SNX3: variants seen among roughly 807,000 people sequenced by gnomAD.
SNX3 encodes sorting nexin 3.
A neutral mutation model predicts 17.7 loss-of-function variants in SNX3; 5 were observed. The observed-to-expected ratio is 0.28, with a 90% CI of 0.15 to 0.59. SNX3 has a LOEUF of 0.59. Ranked by LOEUF, SNX3 falls within the 20% of genes least tolerant of loss-of-function variation. The probability of loss-of-function intolerance (pLI) is 0.88; values close to 1 mark genes in which losing one functional copy is unlikely to be tolerated. For missense variants in SNX3, 132 were observed against 206.8 expected (o/e 0.64, Z 2.22); for synonymous variants, 91 against 76.5 (o/e 1.19, Z -0.99).
chr6:108,213,949 A>G (rs910420902), intron 3 of SNX3, among the ~76,000 whole-genome samples: 1 of 152,252 alleles, frequency 6.6e-6, no homozygotes, highest in African/African-American at 2.4e-5. Flanking sequence ...TTTACAAAAT[A>G]GCTATATTTC....
At chr6:108,226,258 G>A (rs901422488) in intron 1 of SNX3, among the ~76,000 whole-genome samples, 1 of 152,032 alleles carries the variant, frequency 6.6e-6, no homozygotes, top group African/African-American at 2.4e-5. Context: ...TACTTTTGGT[G>A]AGACAGGGTT....
chr6:108,222,832 G>GA (rs1774840975), intron 2 of SNX3, 118 bp downstream of exon 2: 2 of 703,838 alleles, frequency 2.8e-6, no homozygotes, highest in Admixed American at 2.6e-5. Flanking sequence ...TGAACTATTT[G>GA]AAAAAAAGAA....
At chr6:108,223,454 T>G (rs1774871807) in intron 1 of SNX3, among the ~76,000 whole-genome samples, 1 of 150,962 alleles carries the variant, frequency 6.6e-6, no homozygotes, top group Non-Finnish European at 1.5e-5. Flanking sequence ...ATGATGTTTT[T>G]AATATGACCT....
chr6:108,259,667 T>C (rs1031009768), intron 1 of SNX3, among the ~76,000 whole-genome samples: 3 of 152,240 alleles, frequency 2.0e-5, no homozygotes, highest in African/African-American at 7.2e-5. Context: ...TAAAAATACT[T>C]AAGTTTCACA....
chr6:108,257,974 A>C (rs978883112), intron 1 of SNX3, among the ~76,000 whole-genome samples: 17 of 152,100 alleles, frequency 1.1e-4, no homozygotes, highest in African/African-American at 4.1e-4. Flanking sequence ...AAAAGAATAA[A>C]AATAAAAATA....
intron 1 of SNX3, among the ~76,000 whole-genome samples, chr6:108,223,682 T>C (rs991445502): frequency 2.2e-4 from 34 of 151,802 alleles, no homozygotes; most frequent in Non-Finnish European, 4.3e-4. Flanking sequence ...GTATTTTTAG[T>C]AGAGGCGGGG....
intron 1 of SNX3, among the ~76,000 whole-genome samples, chr6:108,224,759 G>T (rs773083868): frequency 6.6e-6 from 1 of 152,142 alleles, no homozygotes; most frequent in Admixed American, 6.6e-5. Context: ...AAATTAAATC[G>T]TACTCAGTAG....
intron 1 of SNX3, among the ~76,000 whole-genome samples, chr6:108,258,805 G>C (rs745717805): frequency 9.2e-5 from 14 of 151,960 alleles, no homozygotes; most frequent in Admixed American, 3.9e-4. Context: ...CACTGCGCCA[G>C]GCCCAGAAAC....
intron 2 of SNX3, 69 bp downstream of exon 2, chr6:108,222,881 T>C (rs1659902617): frequency 2.2e-6 from 2 of 908,416 alleles, no homozygotes; most frequent in Non-Finnish European, 3.5e-6. Context: ...AATATCATTT[T>C]CCTGAGAAAT....
chr6:108,244,418 G>C (rs112550434), intron 1 of SNX3, among the ~76,000 whole-genome samples: 1 of 152,082 alleles, frequency 6.6e-6, no homozygotes, highest in African/African-American at 2.4e-5. Context: ...GCCTTCCAAA[G>C]TGCTGGCATT....
At chr6:108,244,990 C>T (rs597731) in intron 1 of SNX3, among the ~76,000 whole-genome samples, 40,046 of 151,826 alleles carry the variant, frequency 0.26, 7,450 homozygotes, top group African/African-American at 0.51. Flanking sequence ...TGCAAAAAAA[C>T]GTGCAGGTTT....
chr6:108,220,646 T>C (rs922397881), intron 2 of SNX3, among the ~76,000 whole-genome samples: 2 of 152,168 alleles, frequency 1.3e-5, no homozygotes, highest in African/African-American at 2.4e-5. Context: ...TTAAGTGCCA[T>C]ATGACTACAC....
chr6:108,246,664 T>A (rs1040763127), intron 1 of SNX3, among the ~76,000 whole-genome samples: 7 of 152,040 alleles, frequency 4.6e-5, no homozygotes, highest in Non-Finnish European at 1.5e-5. Context: ...GTATTTTTTT[T>A]ATTCTTTTGC....
intron 1 of SNX3, among the ~76,000 whole-genome samples, chr6:108,260,494 C>T (rs1227340259): frequency 5.9e-5 from 9 of 152,242 alleles, no homozygotes; most frequent in Non-Finnish European, 1.3e-4. Flanking sequence ...ATTCCCTGAT[C>T]AGCTGCTGGA....
chr6:108,250,608 G>A (rs1775823564), intron 1 of SNX3, among the ~76,000 whole-genome samples: 1 of 152,108 alleles, frequency 6.6e-6, no homozygotes, highest in South Asian at 2.1e-4. Flanking sequence ...TCCACTTGAA[G>A]ATAACCAGTA....
At chr6:108,218,418 T>C (rs1413082832) in intron 2 of SNX3, among the ~76,000 whole-genome samples, 1 of 152,228 alleles carries the variant, frequency 6.6e-6, no homozygotes, top group African/African-American at 2.4e-5. Context: ...GAACCTCACA[T>C]TGCTGGTAAG....
At position 108,254,944 on chromosome 6, in the gene SNX3, G is replaced by C. The variant is rs1246651377; in HGVS notation, c.162+5816C>G. On this transcript the variant is annotated intron_variant, in intron 1 of 3. Coordinates refer to ENST00000230085, the MANE Select transcript of SNX3 (RefSeq NM_003795.6). ...CAGTTCAGGACTGGAGTTAAAATGA[G>C]GAAAGGACAAGAGATGAGGATCAGT... is the stretch of plus-strand genomic sequence containing the variant. 2.6e-5 allele frequency among the ~76,000 whole-genome samples: 4 copies of C among 152,266 alleles called. No homozygotes were observed. In the South Asian group the frequency reaches 8.3e-4, roughly 32 times the overall value.
intron 2 of SNX3, 134 bp from the exon 3 acceptor site, chr6:108,214,756 C>A (rs1774512876): frequency 1.1e-5 from 9 of 853,980 alleles, no homozygotes; most frequent in Non-Finnish European, 1.6e-5. Flanking sequence ...TATAAAAGAG[C>A]AAAAAATACA....
intron 1 of SNX3, among the ~76,000 whole-genome samples, chr6:108,241,199 T>C (rs144674972): frequency 0.019 from 2,739 of 144,814 alleles, 41 homozygotes; most frequent in Middle Eastern, 0.083. Flanking sequence ...GCTGTATGCA[T>C]GCTCAGCTGG....
Sources: allele counts gnomAD v4.1 joint callset (sites outside exome capture counted in the v4.1 genomes callset), GRCh38; gene constraint gnomAD v4.1.1; transcripts MANE v1.5; gene names NCBI Gene and HGNC (gene_info 2026-07-23, HGNC 2026-07-21).